CAMTA1: variants seen among roughly 807,000 people sequenced by gnomAD.
CAMTA1 encodes the protein calmodulin binding transcription activator 1.
CAMTA1 carries 27 observed loss-of-function variants against 170.9 expected under a neutral mutation model. The observed-to-expected ratio is 0.16, with a 90% CI of 0.12 to 0.22. CAMTA1 has a LOEUF of 0.22. Ranked by LOEUF, CAMTA1 falls within the 10% of genes least tolerant of loss-of-function variation. The pLI is 1.00. For missense variants in CAMTA1, 1,619 were observed against 2,217.2 expected (o/e 0.73, Z 5.42); for synonymous variants, 833 against 891.5 (o/e 0.93, Z 1.17).
intron 4 of CAMTA1, among the ~76,000 whole-genome samples, chr1:7,161,427 C>A (rs1274946337): frequency 6.6e-6 from 1 of 152,214 alleles, no homozygotes; most frequent in East Asian, 1.9e-4. Context: ...GCTGTGTCCC[C>A]ACCCAAATCT....
rs1352862752 is a variant in CAMTA1, at chr1:7,475,104, ATTTC to A, written c.510+7215_510+7218del. 1.8e-4 allele frequency among the ~76,000 whole-genome samples: 28 copies of A among 152,290 alleles called. No individual in the cohort carries two copies. The East Asian group carries it at 3.5e-3, about 19-fold the overall frequency. On this transcript the variant is annotated intron_variant, in intron 6 of 22. Transcript: ENST00000303635. Reference sequence around the variant, plus strand: ...GCACAAGCTAGCTTAACAGGATATCATTTCTTTCTTTCTTTTTCTTTCTTCTTTT... The same window carrying A: ...GCACAAGCTAGCTTAACAGGATATCATTTCTTTCTTTTTCTTTCTTCTTTT...
chr1:6,910,979 T>C (rs1206950467), intron 3 of CAMTA1, among the ~76,000 whole-genome samples: 1 of 152,220 alleles, frequency 6.6e-6, no homozygotes, highest in African/African-American at 2.4e-5. Flanking sequence ...ATTGCTCGCG[T>C]CCAGGATGTC....
chr1:7,249,584 G>A lies in CAMTA1; in HGVS notation c.396G>A (p.Thr132=), dbSNP rs750365912. 1.9e-5 allele frequency: 31 copies of A among 1,614,012 alleles called. 1 individual carries two copies. The highest frequency in any genetic ancestry group is 4.4e-5 in the South Asian group (4 of 91,066). ...GGAAAAAGAGGAAAGATGGGAAAAC[G>A]ACCAGAGAGGACCACATGAAACTCA... ...YCWKKRKDGK[T]TREDHMKLKV... Residue 132 remains threonine, a synonymous_variant, in exon 5 of 23, where the codon ACG becomes ACA. Coordinates refer to ENST00000303635, the MANE Select transcript of CAMTA1 (RefSeq NM_015215.4). This position sits in a 1 kb window ranked among gnomAD's most constrained non-coding sequence, Gnocchi z 4.4.
chr1:7,702,332 A>AAAACAAAC (rs574074910), intron 11 of CAMTA1, among the ~76,000 whole-genome samples: 4 of 152,250 alleles, frequency 2.6e-5, no homozygotes, highest in African/African-American at 7.2e-5. Context: ...TGTGTCTGCC[A>AAAACAAAC]AAACAAACAA....
At chr1:7,281,440 A>G (rs1320503046) in intron 5 of CAMTA1, among the ~76,000 whole-genome samples, 2 of 152,222 alleles carry the variant, frequency 1.3e-5, no homozygotes, top group African/African-American at 4.8e-5. Context: ...ATTGGATTTC[A>G]TCCCCTTGAA....
chr1:7,586,458 C>G (rs1009552653), intron 6 of CAMTA1, among the ~76,000 whole-genome samples: 1 of 152,128 alleles, frequency 6.6e-6, no homozygotes, highest in Admixed American at 6.5e-5. Flanking sequence ...GCAGCCACAC[C>G]GAACCTCCTG....
chr1:7,087,173 A>C (rs1640863120), intron 3 of CAMTA1, among the ~76,000 whole-genome samples: 1 of 152,186 alleles, frequency 6.6e-6, no homozygotes, highest in African/African-American at 2.4e-5. Flanking sequence ...CTCTGGGGGA[A>C]GAGAGAGAGG....
intron 3 of CAMTA1, among the ~76,000 whole-genome samples, chr1:7,071,626 T>G (rs1026153021): frequency 5.3e-5 from 8 of 152,228 alleles, no homozygotes; most frequent in African/African-American, 1.9e-4. Flanking sequence ...TGGACCGATT[T>G]ACGCACTTTT....
In CAMTA1 at chr1:7,673,963, G is replaced by C. The variant is rs1397373761; in HGVS notation, c.2779+2926G>C. 6.6e-6 allele frequency among the ~76,000 whole-genome samples: 1 copy of C among 152,144 alleles called. No individual in the cohort carries two copies. Among genetic ancestry groups the C allele is most frequent in the Non-Finnish European group, 1.5e-5 (1 of 68,026 alleles). ...GAGTGCAGTGCGCAAATGAATCACT[G>C]CTCCGGAGATGACGCTGGCTGCTTG... On this transcript the variant is annotated intron_variant, in intron 10 of 22. Transcript: ENST00000303635. The surrounding 1 kb of genome is among the most constrained non-coding windows in gnomAD (Gnocchi z 4.6).
intron 11 of CAMTA1, among the ~76,000 whole-genome samples, chr1:7,699,548 T>C (rs1483033042): frequency 6.6e-6 from 1 of 152,248 alleles, no homozygotes; most frequent in Non-Finnish European, 1.5e-5. Flanking sequence ...ATGGAATGGC[T>C]GGGTCACATC....
intron 5 of CAMTA1, among the ~76,000 whole-genome samples, chr1:7,360,313 C>G (rs571854702): frequency 6.6e-6 from 1 of 152,306 alleles, no homozygotes; most frequent in South Asian, 2.1e-4. Flanking sequence ...GGGGCTGGGA[C>G]TCAGCCCTGG....
At chr1:7,181,595 T>A (rs1652171943) in intron 4 of CAMTA1, among the ~76,000 whole-genome samples, 1 of 152,054 alleles carries the variant, frequency 6.6e-6, no homozygotes, top group Non-Finnish European at 1.5e-5. Flanking sequence ...AAGAACCACA[T>A]AAATAACCAG....
Position 7,640,460 on chromosome 1 carries a change from C to G in CAMTA1, c.571C>G (p.Pro191Ala). 1.2e-6 allele frequency: 2 copies of G among 1,614,182 alleles called. No homozygotes were observed. The highest frequency in any genetic ancestry group is 1.7e-6 in the Non-Finnish European group (2 of 1,180,028). ...NVPAIEDCGKPCGPILCSINT... is the reference protein window; with the variant it reads ...NVPAIEDCGKACGPILCSINT... ...GCCGGCCATCGAGGACTGCGGCAAG[C>G]CTTGCGGCCCCATCCTCTGCTCCAT... Residue 191 changes from proline (P) to alanine (A), a missense_variant, in exon 7 of 23, where the codon CCT becomes GCT. By Grantham distance (27) the Pro-to-Ala change is conservative. Around this residue, in one of 8 missense-constraint regions of CAMTA1, gnomAD observed 97 missense variants for 225.4 expected, o/e 0.43. Coordinates refer to ENST00000303635, the MANE Select transcript of CAMTA1 (RefSeq NM_015215.4).
rs61772214 is a variant in CAMTA1 at position 7,455,035 on chromosome 1, G to A, written c.439-12795G>A. ...TCCCCCTGCTCCGTGCCAGAGCCTC[G>A]GAGGTTCCGATGCACTCAGGGCCCT... On this transcript the variant is annotated intron_variant, in intron 5 of 22. Coordinates refer to ENST00000303635, the MANE Select transcript of CAMTA1 (RefSeq NM_015215.4). This position sits in a 1 kb window ranked among gnomAD's most constrained non-coding sequence, Gnocchi z 5.0. Among the ~76,000 whole-genome samples the A allele has an allele frequency of 0.17, 25,413 of 152,186 alleles. 2,222 individuals are homozygous for A. The highest frequency in any genetic ancestry group is 0.19 in the Middle Eastern group (57 of 294).
intron 6 of CAMTA1, among the ~76,000 whole-genome samples, chr1:7,571,879 G>C (rs2095130565): frequency 6.6e-6 from 1 of 152,124 alleles, no homozygotes; most frequent in African/African-American, 2.4e-5. Context: ...AGGTCGAATG[G>C]GAGTTCTGTT....
At chr1:7,015,562 T>C (rs1025320102) in intron 3 of CAMTA1, among the ~76,000 whole-genome samples, 3 of 152,210 alleles carry the variant, frequency 2.0e-5, no homozygotes, top group African/African-American at 7.2e-5. Flanking sequence ...AATTGACGTT[T>C]TTGGGGCTGT....
chr1:7,718,647 C>T (rs1183811973), intron 11 of CAMTA1, among the ~76,000 whole-genome samples: 4 of 151,266 alleles, frequency 2.6e-5, no homozygotes, highest in African/African-American at 7.3e-5. Flanking sequence ...ACTTCTGCCC[C>T]GCCAGGTTCA....
intron 5 of CAMTA1, among the ~76,000 whole-genome samples, chr1:7,441,768 G>A (rs932500169): frequency 4.6e-5 from 7 of 152,150 alleles, no homozygotes; most frequent in Admixed American, 3.9e-4. Context: ...CAGTGTGCTT[G>A]TTCGTCTCGC....
chr1:7,131,056 C>T lies in CAMTA1; in HGVS notation c.302+39685C>T, dbSNP rs895925947. Among the ~76,000 whole-genome samples, 8 of 151,806 alleles carry T rather than the reference C, an allele frequency of 5.3e-5. No individual in the cohort carries two copies. The South Asian group carries it at 1.0e-3, about 20-fold the overall frequency. On this transcript the variant is annotated intron_variant, in intron 4 of 22. Transcript: ENST00000303635. The stretch of plus-strand genomic sequence containing the variant: ...GCAACCTCTGCCTCCCGGGTTCAAG[C>T]GATTCTCCTGCCTCAGCCTCCTAAG...
Sources: allele counts gnomAD v4.1 joint callset (sites outside exome capture counted in the v4.1 genomes callset), GRCh38; gene constraint gnomAD v4.1.1; regional missense constraint gnomAD v4.1.1; non-coding constraint Gnocchi (gnomAD v3.1); transcripts MANE v1.5; gene names NCBI Gene and HGNC (gene_info 2026-07-23, HGNC 2026-07-21).